The following PTPRN2 variants were observed in gnomAD, a reference collection of about 807,000 sequenced individuals.
The protein encoded by PTPRN2 is protein tyrosine phosphatase receptor type N2.
In PTPRN2, 74 loss-of-function variants were observed where a neutral mutation model predicts 118.8. The ratio of observed to expected loss-of-function variants is 0.62; its 90% CI spans 0.52 to 0.76. The LOEUF (loss-of-function observed/expected upper bound fraction) is 0.76, where lower values mean the gene tolerates loss of function less well. PTPRN2 is among the 30% of genes least tolerant of loss of function. PTPRN2 has a pLI of 0.00. For missense variants in PTPRN2, 1,481 were observed against 1,394.4 expected (o/e 1.06, Z -0.99); for synonymous variants, 641 against 608.0 (o/e 1.05, Z -0.80).
intron 2 of PTPRN2, among the ~76,000 whole-genome samples, chr7:158,410,951 G>T (rs78928498): frequency 0.13 from 783 of 5,810 alleles, no homozygotes; most frequent in Middle Eastern, 0.33. Context: ...GGAGGGACAG[G>T]GTACACAAGC....
intron 12 of PTPRN2, among the ~76,000 whole-genome samples, chr7:157,736,054 G>A (rs1337561498): frequency 6.6e-6 from 1 of 152,224 alleles, no homozygotes; most frequent in Non-Finnish European, 1.5e-5. Context: ...CTGGAGCAGA[G>A]CATGTGTCCT....
At chr7:157,837,482 C>T (rs748597824) in intron 12 of PTPRN2, among the ~76,000 whole-genome samples, 8 of 151,086 alleles carry the variant, frequency 5.3e-5, no homozygotes, top group Non-Finnish European at 7.4e-5. Context: ...CAGAGTCATC[C>T]GAGATGGCTC....
At chr7:158,301,840 C>G (rs970542557) in intron 3 of PTPRN2, among the ~76,000 whole-genome samples, 1 of 152,134 alleles carries the variant, frequency 6.6e-6, no homozygotes. Context: ...GTTTCAACTA[C>G]TTGGGAGGCT....
chr7:158,034,668 G>A (rs939729406), intron 11 of PTPRN2, among the ~76,000 whole-genome samples: 2 of 152,242 alleles, frequency 1.3e-5, no homozygotes, highest in Non-Finnish European at 2.9e-5. Flanking sequence ...CAGGCTGGGA[G>A]GGGCCCATGC....
At chr7:157,669,539 C>T in intron 13 of PTPRN2, 1 of 491,302 alleles carries the variant, frequency 2.0e-6, no homozygotes, top group South Asian at 1.5e-5. Flanking sequence ...CAGTCAGGGG[C>T]TGTAAGCACA....
intron 3 of PTPRN2, among the ~76,000 whole-genome samples, chr7:158,292,088 C>T (rs1387235624): frequency 6.6e-6 from 1 of 152,192 alleles, no homozygotes; most frequent in Non-Finnish European, 1.5e-5. Flanking sequence ...TTCCATACAG[C>T]CCGCAAATGG....
intron 6 of PTPRN2, among the ~76,000 whole-genome samples, chr7:158,140,525 C>T (rs1332196995): frequency 2.0e-5 from 3 of 152,164 alleles, no homozygotes; most frequent in Admixed American, 6.5e-5. Flanking sequence ...CAGAAGGAAC[C>T]ACAGAGACGA....
Position 157,725,260 on chromosome 7 carries a change from G to GC in PTPRN2, c.1789-42324_1789-42323insG, listed in dbSNP as rs57941001. Reference sequence around the variant, plus strand: ...ACTGGATATCCACATGCAGAGGAGTGAGCCAGACCCTGGCCTCCCAGGAGA... The same window carrying GC: ...ACTGGATATCCACATGCAGAGGAGTGCAGCCAGACCCTGGCCTCCCAGGAGA... On this transcript the variant is annotated intron_variant, in intron 12 of 22. Transcript: ENST00000389418. 9.6e-4 allele frequency among the ~76,000 whole-genome samples: 129 copies of GC among 134,426 alleles called. 4 individuals are homozygous for GC. The highest frequency in any genetic ancestry group is 3.3e-3 in the Admixed American group (43 of 13,048). The allele number at this position is 134,426 out of a possible 152,430, so 88.2% of individuals were successfully genotyped here. A position where few individuals can be genotyped will look rare whatever the true frequency, so the allele number is the denominator to read the frequency against.
At position 158,166,984 on chromosome 7, in the gene PTPRN2, TG is replaced by T; in HGVS notation, c.856del (p.Gln286ArgfsTer26). The T allele has an allele frequency of 1.4e-6, 2 of 1,458,866 alleles. No individual in the cohort carries two copies. The highest frequency in any genetic ancestry group is 1.5e-5 in the South Asian group (1 of 68,572). The allele number at this position is 1,458,866 out of a possible 1,614,324, so 90.4% of individuals were successfully genotyped here. Reference protein sequence around the residue: ...PRPLLAPAAPQKWPSPLGDSE... With the variant: ...PRPLLAPAAPXKWPSPLGDSE... ...ATCTCCCAGAGGTGAAGGCCACTTC[TG>T]GGGGGCGGCTGGTGCCAGCAAAGGC... On this transcript the variant is annotated frameshift_variant, in exon 6 of 23. Transcript: ENST00000389418. LOFTEE classifies it high-confidence loss of function.
rs1182397932 is a variant in PTPRN2 at position 157,977,559 on chromosome 7, C to CAAGGCCCCAGGTGGGATGACGTGAG, written c.1724-78847_1724-78823dup. On this transcript the variant is annotated intron_variant, in intron 11 of 22. Transcript: ENST00000389418. This position sits in a 1 kb window ranked among gnomAD's most constrained non-coding sequence, Gnocchi z 4.6. ...GTGAGTGTGTTCATGGAGTAGTGTA[C>CAAGGCCCCAGGTGGGATGACGTGAG]AAGGCCCCAGGTGGGATGACGTGAG... Among the ~76,000 whole-genome samples the CAAGGCCCCAGGTGGGATGACGTGAG allele has an allele frequency of 6.6e-5, 10 of 150,448 alleles. No homozygotes were observed. The highest frequency in any genetic ancestry group is 2.2e-4 in the African/African-American group (9 of 40,516).
rs192388645 is a variant in PTPRN2 at position 158,129,899 on chromosome 7, G to A, written c.1556+3778C>T. On this transcript the variant is annotated intron_variant, in intron 9 of 22. Transcript: ENST00000389418. Reference sequence around the variant, plus strand: ...AAGGGCACAGACAGACACGTGGGACGCCTCCTCCAAGCAAAGAGCCTGGAA... The same window carrying A: ...AAGGGCACAGACAGACACGTGGGACACCTCCTCCAAGCAAAGAGCCTGGAA... Among the ~76,000 whole-genome samples, 211 of 152,270 alleles carry A rather than the reference G, an allele frequency of 1.4e-3. 1 individual carries two copies. Among genetic ancestry groups the A allele is most frequent in the African/African-American group, 4.4e-3 (182 of 41,552 alleles).
chr7:157,814,889 C>T (rs534023339), intron 12 of PTPRN2, among the ~76,000 whole-genome samples: 24 of 152,336 alleles, frequency 1.6e-4, no homozygotes, highest in East Asian at 7.7e-4. Flanking sequence ...CAGAAGCGCA[C>T]GAGTCCCAGA....
intron 12 of PTPRN2, among the ~76,000 whole-genome samples, chr7:157,842,471 G>A (rs1274321978): frequency 2.8e-5 from 4 of 143,768 alleles, no homozygotes; most frequent in Non-Finnish European, 3.0e-5. Context: ...CTGGAGTGCA[G>A]TGGCATGATC....
Position 157,611,370 on chromosome 7 carries a change from C to T in PTPRN2, c.2345-7295G>A, listed in dbSNP as rs889618272. Among the ~76,000 whole-genome samples, 1 of 152,164 alleles carries T rather than the reference C, an allele frequency of 6.6e-6. No individual in the cohort carries two copies. The highest frequency in any genetic ancestry group is 1.5e-5 in the Non-Finnish European group (1 of 68,032). On this transcript the variant is annotated intron_variant, in intron 15 of 22. Transcript: ENST00000389418. The surrounding 1 kb of genome is among the most constrained non-coding windows in gnomAD (Gnocchi z 5.9). ...CCCACACTAGTCTCATCTCAGGCATCTGTGTAGAAGGAACTCCCCAGGCAG... is the reference window on the plus strand; with the variant it reads ...CCCACACTAGTCTCATCTCAGGCATTTGTGTAGAAGGAACTCCCCAGGCAG...
chr7:158,108,156 C>A (rs1377051900), intron 10 of PTPRN2, among the ~76,000 whole-genome samples: 2 of 151,996 alleles, frequency 1.3e-5, no homozygotes, highest in Non-Finnish European at 2.9e-5. Flanking sequence ...CCTTTGCTCA[C>A]CTGGATGTCT....
intron 17 of PTPRN2, among the ~76,000 whole-genome samples, chr7:157,582,889 A>C (rs544776996): frequency 1.1e-4 from 16 of 151,202 alleles, no homozygotes; most frequent in African/African-American, 3.9e-4. Context: ...AAAAAAAACA[A>C]AACAAAAAAA....
chr7:158,118,448 A>T (rs1563459109), intron 9 of PTPRN2, among the ~76,000 whole-genome samples: 3 of 152,252 alleles, frequency 2.0e-5, no homozygotes, highest in African/African-American at 7.2e-5. Context: ...TTAAAAATCT[A>T]CTAAACACAA....
At position 157,615,330 on chromosome 7, in the gene PTPRN2, G is replaced by GA. The variant is rs1802689851; in HGVS notation, c.2344+6031_2344+6032insT. The GA allele has an allele frequency of 2.4e-6, 1 of 412,360 alleles. No individual in the cohort carries two copies. Among genetic ancestry groups the GA allele is most frequent in the Non-Finnish European group, 5.1e-6 (1 of 195,950 alleles). 25.5% of individuals were successfully genotyped at this position (412,360 alleles called of 1,614,324 possible). On this transcript the variant is annotated intron_variant, in intron 15 of 22. Transcript: ENST00000389418. The surrounding 1 kb of genome is among the most constrained non-coding windows in gnomAD (Gnocchi z 4.3). ...GGGTTGCGGCTGGGTCTGCGCTGGG[G>GA]TAGTGTAGGCTGCACTCTCCGGGGA...
intron 11 of PTPRN2, among the ~76,000 whole-genome samples, chr7:157,901,939 C>T (rs931434986): frequency 1.3e-5 from 2 of 150,708 alleles, no homozygotes; most frequent in Non-Finnish European, 3.0e-5. Context: ...GTCCGTGTTT[C>T]CTGGGTCCTG....
Sources: allele counts gnomAD v4.1 joint callset (sites outside exome capture counted in the v4.1 genomes callset), GRCh38; gene constraint gnomAD v4.1.1; non-coding constraint Gnocchi (gnomAD v3.1); transcripts MANE v1.5; gene names NCBI Gene and HGNC (gene_info 2026-07-23, HGNC 2026-07-21).